TLN2: variants seen among roughly 807,000 people sequenced by gnomAD.
TLN2 encodes talin-2.
Under a neutral mutation model 294.7 loss-of-function variants are expected in TLN2, and 118 were observed. That is an observed-to-expected ratio of 0.40 (90% CI 0.34 to 0.47). The LOEUF is 0.47. TLN2 is among the 20% of genes least tolerant of loss of function. The pLI is 0.84. For missense variants in TLN2, 3,083 were observed against 3,282.2 expected, an observed-to-expected ratio of 0.94 and a Z score of 1.48; for synonymous variants, 1,431 against 1,304.5, an observed-to-expected ratio of 1.10 and a Z score of -2.09.
chr15:62,774,795 T>C (rs1473602429), intron 42 of TLN2, among the ~76,000 whole-genome samples: 1 of 152,156 alleles, frequency 6.6e-6, no homozygotes, highest in Non-Finnish European at 1.5e-5. Flanking sequence ...CTTTAAATTG[T>C]TGAAGGAGTT....
At chr15:62,540,158 G>A (rs1037742051) in intron 1 of TLN2, among the ~76,000 whole-genome samples, 1 of 151,944 alleles carries the variant, frequency 6.6e-6, no homozygotes, top group Non-Finnish European at 1.5e-5. Flanking sequence ...TGGCCAACAT[G>A]GTGAAACCCC....
intron 1 of TLN2, among the ~76,000 whole-genome samples, chr15:62,493,606 TC>T (rs1168722182): frequency 6.7e-6 from 1 of 148,448 alleles, no homozygotes; most frequent in African/African-American, 2.5e-5. Context: ...CCATGGAGGT[TC>T]CCCCCCGCCG....
At chr15:62,527,742 GGTCTT>G (rs1400541772) in intron 1 of TLN2, among the ~76,000 whole-genome samples, 2 of 152,144 alleles carry the variant, frequency 1.3e-5, no homozygotes, top group Non-Finnish European at 2.9e-5. Flanking sequence ...TTAGCTGGTG[GGTCTT>G]ATCCACTGCC....
rs866633429 is a variant in TLN2, at chr15:62,537,581, C to T, written c.-237-52106C>T. Among the ~76,000 whole-genome samples the T allele has an allele frequency of 2.1e-4, 32 of 152,282 alleles. 1 individual carries two copies. Among genetic ancestry groups the T allele is most frequent in the South Asian group, 1.0e-3 (5 of 4,824 alleles). Reference sequence around the variant, plus strand: ...TTTTATGGATGAAGAAACTGAGCCTCAGGGAAGGAAGTGATTTACTTGCTT... The same window carrying T: ...TTTTATGGATGAAGAAACTGAGCCTTAGGGAAGGAAGTGATTTACTTGCTT... On this transcript the variant is annotated intron_variant, in intron 1 of 58. Transcript: ENST00000636159.
Position 62,655,622 on chromosome 15 carries a change from CTCCACAGAGGG to C in TLN2, c.518-320_518-310del, listed in dbSNP as rs2053125872. ...GTGGGTTGGCTGGCACTGTCCCCTG[CTCCACAGAGGG>C]TGTACTGGGCCATGGGAATGCGTCA... On this transcript the variant is annotated intron_variant, in intron 7 of 58. Coordinates refer to ENST00000636159, the MANE Select transcript of TLN2 (RefSeq NM_015059.3). Among the ~76,000 whole-genome samples the C allele has an allele frequency of 4.0e-3, 4 of 988 alleles. 2 individuals carry two copies. In the Non-Finnish European group the frequency reaches 0.065, roughly 16 times the overall value. 0.6% of individuals were successfully genotyped at this position (988 alleles called of 152,430 possible). A position where few individuals can be genotyped will look rare whatever the true frequency, so the allele number is the denominator to read the frequency against.
chr15:62,725,195 G>A, intron 27 of TLN2, 91 bp downstream of exon 27: 1 of 1,491,862 alleles, frequency 6.7e-7, no homozygotes, highest in African/African-American at 1.4e-5. Context: ...TAAAGTTGCG[G>A]CATGTTGAGA....
intron 1 of TLN2, among the ~76,000 whole-genome samples, chr15:62,406,522 G>A (rs1028552291): frequency 2.6e-5 from 4 of 152,206 alleles, no homozygotes; most frequent in African/African-American, 9.7e-5. Context: ...AGCAGCTCAG[G>A]GCAGTTTTGC....
intron 25 of TLN2, 39 bp from the exon 26 acceptor site, chr15:62,722,314 G>C: frequency 6.3e-7 from 1 of 1,582,730 alleles, no homozygotes; most frequent in Non-Finnish European, 8.6e-7. Flanking sequence ...ACCTCTTGCT[G>C]CCCAGGAGCC....
At position 62,652,115 on chromosome 15, in the gene TLN2, C is replaced by A; in HGVS notation, c.345C>A (p.Val115=). Residue 115 remains valine (V), a synonymous_variant, in exon 6 of 59, where the codon GTC becomes GTA. Coordinates refer to ENST00000636159, the MANE Select transcript of TLN2 (RefSeq NM_015059.3). ...CCAAGACTGTGGGGGAGCTCCTGGTCACTATTTGTAGCAGAATAGGTGAGC... is the reference window on the plus strand; with the variant it reads ...CCAAGACTGTGGGGGAGCTCCTGGTAACTATTTGTAGCAGAATAGGTGAGC... The part of the protein sequence containing the change: ...DDSKTVGELL[V]TICSRIGITN... 6.2e-7 allele frequency: 1 copy of A among 1,601,968 alleles called. No homozygotes were observed. Among genetic ancestry groups the A allele is most frequent in the South Asian group, 1.1e-5 (1 of 88,458 alleles).
At chr15:62,583,522 A>G (rs932840978) in intron 1 of TLN2, among the ~76,000 whole-genome samples, 5 of 152,134 alleles carry the variant, frequency 3.3e-5, no homozygotes, top group Non-Finnish European at 5.9e-5. Context: ...TTGGATTACA[A>G]AAGATGGGAG....
chr15:62,733,299 A>G (rs1475273088), intron 28 of TLN2, among the ~76,000 whole-genome samples: 6 of 152,198 alleles, frequency 3.9e-5, no homozygotes, highest in Non-Finnish European at 5.9e-5. Context: ...GGAGATCACT[A>G]TTCTCCTTGT....
chr15:62,705,273 A>G (rs1273983185), intron 19 of TLN2, among the ~76,000 whole-genome samples: 1 of 152,226 alleles, frequency 6.6e-6, no homozygotes, highest in Non-Finnish European at 1.5e-5. Flanking sequence ...GTGATCCTGC[A>G]ACCTCCTCCA....
rs545702014 is a variant in TLN2 at position 62,841,162 on chromosome 15, C to T, written c.*552C>T. 141 of 152,738 alleles carry T rather than the reference C, an allele frequency of 9.2e-4. No homozygotes were observed. Among genetic ancestry groups the T allele is most frequent in the Non-Finnish European group, 1.8e-3 (121 of 68,162 alleles). The allele number at this position is 152,738 out of a possible 1,614,324, so 9.5% of individuals were successfully genotyped here. ...TGGCTCACCCAGGGGGTGAAAAATT[C>T]CCGCCCCTGTTTGCACGCTTTCTTG... On this transcript the variant is annotated 3_prime_UTR_variant, in exon 59 of 59. Coordinates refer to ENST00000636159, the MANE Select transcript of TLN2 (RefSeq NM_015059.3).
chr15:62,691,423 C>A (rs923880409), intron 12 of TLN2, among the ~76,000 whole-genome samples: 4 of 151,966 alleles, frequency 2.6e-5, no homozygotes, highest in Admixed American at 6.6e-5. Context: ...TTTTTCAGTT[C>A]TGTAATTTCC....
At chr15:62,466,208 AC>A (rs2037127245) in intron 1 of TLN2, among the ~76,000 whole-genome samples, 1 of 151,954 alleles carries the variant, frequency 6.6e-6, no homozygotes, top group African/African-American at 2.4e-5. Context: ...AAACAGGCCA[AC>A]CTCTCTGTTT....
At chr15:62,656,754 C>T (rs1447173157) in intron 8 of TLN2, among the ~76,000 whole-genome samples, 1 of 152,076 alleles carries the variant, frequency 6.6e-6, no homozygotes, top group Non-Finnish European at 1.5e-5. Context: ...ACAGTCATGC[C>T]TTTTGCCTGT....
At chr15:62,525,175 G>A (rs917967258) in intron 1 of TLN2, among the ~76,000 whole-genome samples, 1 of 152,144 alleles carries the variant, frequency 6.6e-6, no homozygotes, top group Non-Finnish European at 1.5e-5. Context: ...CTTCTACTCA[G>A]AGCCCTGTGT....
chr15:62,639,261 G>A (rs1441850373), intron 3 of TLN2, among the ~76,000 whole-genome samples: 1 of 148,148 alleles, frequency 6.8e-6, no homozygotes, highest in African/African-American at 2.5e-5. Context: ...CTATATCTAT[G>A]TGTATATCTA....
chr15:62,566,705 C>G (rs2043428406), intron 1 of TLN2, among the ~76,000 whole-genome samples: 1 of 151,110 alleles, frequency 6.6e-6, no homozygotes, highest in Admixed American at 6.6e-5. Flanking sequence ...CTCACTGCAG[C>G]CCCAAACTCC....
Sources: allele counts gnomAD v4.1 joint callset (sites outside exome capture counted in the v4.1 genomes callset), GRCh38; gene constraint gnomAD v4.1.1; transcripts MANE v1.5; gene names NCBI Gene and HGNC (gene_info 2026-07-23, HGNC 2026-07-21).